CCDC141: variants seen among roughly 807,000 people sequenced by gnomAD.
CCDC141 encodes coiled-coil domain-containing protein 141.
CCDC141 carries 168 observed loss-of-function variants against 181.0 expected under a neutral mutation model. That is an observed-to-expected ratio of 0.93 (90% confidence interval 0.82 to 1.05). The LOEUF is 1.05. Among genes scored for constraint, CCDC141 ranks in the 50% least tolerant of loss-of-function variants. The probability of loss-of-function intolerance (pLI) is 0.00; values close to 1 mark genes in which losing one functional copy is unlikely to be tolerated. For missense variants in CCDC141, 1,902 were observed against 1,788.5 expected (o/e 1.06, Z -1.14); for synonymous variants, 666 against 642.3 (o/e 1.04, Z -0.56).
chr2:178,872,281 T>C lies in CCDC141; in HGVS notation c.1931A>G (p.Asn644Ser). 1.9e-6 allele frequency: 3 copies of C among 1,613,606 alleles called. No homozygotes were observed. The highest frequency in any genetic ancestry group is 2.5e-6 in the Non-Finnish European group (3 of 1,179,798). The stretch of plus-strand genomic sequence containing the variant: ...GGTGTTCTTCATGAGGTACACTTCA[T>C]TTTTCACATCTAATATCTCGTTCTC... ...AKENEILDVK[N>S]EVYLMKNTME... The change falls in exon 13 of 24, where the codon AAT (asparagine) becomes AGT (serine). Residue 644 changes from asparagine (N) to serine (S), a missense_variant. Asn to Ser is a conservative substitution (Grantham distance 46, BLOSUM62 1). Transcript: ENST00000443758.
Position 178,865,963 on chromosome 2 carries a change from A to G in CCDC141, c.2575-47T>C, listed in dbSNP as rs376744809. 16 of 1,352,150 alleles carry G rather than the reference A, an allele frequency of 1.2e-5. No individual in the cohort carries two copies. The African/African-American group carries it at 1.8e-4, about 15-fold the overall frequency. 83.8% of individuals were successfully genotyped at this position (1,352,150 alleles called of 1,614,324 possible). A position where few individuals can be genotyped will look rare whatever the true frequency, so the allele number is the denominator to read the frequency against. ...AACAGAGAGAAAGGACGAAACAGCA[A>G]TAAGACGAGTAGGCTATTTACCTGA... On this transcript the variant is annotated intron_variant, in intron 16 of 23. Transcript: ENST00000443758.
chr2:179,030,323 G>A (rs187501503), intron 2 of CCDC141, among the ~76,000 whole-genome samples: 18 of 151,970 alleles, frequency 1.2e-4, no homozygotes, highest in Non-Finnish European at 1.5e-4. Context: ...TTAATGACCC[G>A]TTAACCAACA....
chr2:178,946,601 T>C (rs116423538), intron 5 of CCDC141, among the ~76,000 whole-genome samples: 2,381 of 152,216 alleles, frequency 0.016, 62 homozygotes, highest in African/African-American at 0.054. Context: ...AAACAGGTGT[T>C]CTCTAATCTC....
downstream of CCDC141, among the ~76,000 whole-genome samples, chr2:178,828,515 T>C (rs1684157850): frequency 6.6e-6 from 1 of 152,158 alleles, no homozygotes; most frequent in African/African-American, 2.4e-5. Flanking sequence ...TAGAAATGAA[T>C]AAAAATGCAT....
intron 22 of CCDC141, among the ~76,000 whole-genome samples, chr2:178,839,607 A>AAAAAAAAT (rs1561624006): frequency 7.1e-6 from 1 of 139,952 alleles, no homozygotes. Flanking sequence ...AAAAAAAAAA[A>AAAAAAAAT]TGTGTTTTCA....
downstream of CCDC141, among the ~76,000 whole-genome samples, chr2:178,828,781 C>T (rs1161771667): frequency 1.3e-5 from 2 of 152,092 alleles, no homozygotes; most frequent in African/African-American, 2.4e-5. Flanking sequence ...GCATAATATG[C>T]GTTGGAGACA....
intron 2 of CCDC141, among the ~76,000 whole-genome samples, chr2:178,983,179 T>A (rs915891845): frequency 2.6e-4 from 39 of 152,290 alleles, no homozygotes; most frequent in African/African-American, 9.1e-4. Flanking sequence ...CCAGCCTAAC[T>A]GGGAGGCACC....
Position 178,984,375 on chromosome 2 carries a change from C to A in CCDC141, c.226-5700G>T, listed in dbSNP as rs948907478. ...GCTGCAAAATCATGCCAAAATGTAA[C>A]GACCATCGAGACTAGGAAGAAACTG... On this transcript the variant is annotated intron_variant, in intron 2 of 23. Coordinates refer to ENST00000443758, the MANE Select transcript of CCDC141 (RefSeq NM_173648.4). Among the ~76,000 whole-genome samples, 48 of 151,082 alleles carry A rather than the reference C, an allele frequency of 3.2e-4. 1 individual carries two copies. Among genetic ancestry groups the A allele is most frequent in the South Asian group, 1.5e-3 (7 of 4,718 alleles).
chr2:178,917,040 A>G (rs1688485869), intron 7 of CCDC141, among the ~76,000 whole-genome samples: 1 of 152,134 alleles, frequency 6.6e-6, no homozygotes, highest in Non-Finnish European at 1.5e-5. Context: ...AGCAGAGAAA[A>G]CAAAAGTAAG....
chr2:178,916,755 G>A (rs1011643026), intron 7 of CCDC141, among the ~76,000 whole-genome samples: 4 of 152,108 alleles, frequency 2.6e-5, no homozygotes, highest in African/African-American at 9.7e-5. Context: ...ACCTGCTATA[G>A]TATGGATAAA....
intron 2 of CCDC141, among the ~76,000 whole-genome samples, chr2:179,018,911 A>G (rs2042620136): frequency 6.6e-6 from 1 of 152,214 alleles, no homozygotes; most frequent in South Asian, 2.1e-4. Context: ...ATATTCAGAA[A>G]AGATAAGTCA....
In CCDC141 at chr2:178,884,947, G is replaced by A. The variant is rs1033552191; in HGVS notation, c.1673C>T (p.Ser558Leu). 1.1e-5 allele frequency: 17 copies of A among 1,550,262 alleles called. No individual in the cohort carries two copies. The highest frequency in any genetic ancestry group is 2.4e-5 in the South Asian group (2 of 84,018). Reference sequence around the variant, plus strand: ...TGCCACGTAAGTTTGCAGGACTTGCGATCTATAGTCAATGCTTTGGCCAAA... The same window carrying A: ...TGCCACGTAAGTTTGCAGGACTTGCAATCTATAGTCAATGCTTTGGCCAAA... ...NLFGQSIDYR[S>L]QVLQTYVAFL... Residue 558 changes from serine to leucine, a missense_variant, in exon 11 of 24, where the codon TCG (serine) becomes TTG (leucine). Transcript: ENST00000443758.
chr2:178,966,529 T>G (rs1192892745), intron 4 of CCDC141, among the ~76,000 whole-genome samples: 1 of 152,156 alleles, frequency 6.6e-6, no homozygotes, highest in African/African-American at 2.4e-5. Flanking sequence ...CAGAGGGGCC[T>G]GACTGTCAGA....
Position 178,886,755 on chromosome 2 carries a change from A to G in CCDC141, c.1524T>C (p.Ala508=). ...LNKYLELDIQ[A]KETSHELEAA... The stretch of plus-strand genomic sequence containing the variant: ...TAATCATTCTCATTTTATTTACCTT[A>G]GCTTGGATATCTAGTTCCAGATATT... The change falls in exon 10 of 24, where the codon GCT becomes GCC. Residue 508 remains alanine, a synonymous_variant. Transcript: ENST00000443758. 2 of 1,433,230 alleles carry G rather than the reference A, an allele frequency of 1.4e-6. No homozygotes were observed. Among genetic ancestry groups the G allele is most frequent in the South Asian group, 1.3e-5 (1 of 74,610 alleles). The allele number at this position is 1,433,230 out of a possible 1,614,324, so 88.8% of individuals were successfully genotyped here. A position where few individuals can be genotyped will look rare whatever the true frequency, so the allele number is the denominator to read the frequency against.
chr2:178,818,865 C>T, the CCDC141 span, among the ~76,000 whole-genome samples: 1 of 152,162 alleles, frequency 6.6e-6, no homozygotes, highest in African/African-American at 2.4e-5. Flanking sequence ...CTGTCTTCCA[C>T]AATTGTTGAA....
chr2:178,923,069 T>C (rs1045632732), intron 6 of CCDC141, among the ~76,000 whole-genome samples: 2 of 152,150 alleles, frequency 1.3e-5, no homozygotes, highest in African/African-American at 4.8e-5. Context: ...CCCAGCCATT[T>C]TTCATAGGGG....
At position 178,921,373 on chromosome 2, in the gene CCDC141, T is replaced by C. The variant is rs182496874; in HGVS notation, c.898-2466A>G. On this transcript the variant is annotated intron_variant, in intron 6 of 23. Transcript: ENST00000443758. ...TCACTAAGTGTTAGTCCCACTTTTC[T>C]GAGCATCAGTTTTGGTTCATTAGCT... 2.6e-5 allele frequency among the ~76,000 whole-genome samples: 4 copies of C among 152,394 alleles called. No homozygotes were observed. In the East Asian group the frequency reaches 7.7e-4, roughly 29 times the overall value.
the CCDC141 span, among the ~76,000 whole-genome samples, chr2:178,820,671 A>G: frequency 6.6e-6 from 1 of 152,182 alleles, no homozygotes; most frequent in Non-Finnish European, 1.5e-5. Flanking sequence ...TTTTTTTAAA[A>G]AGTTATTAAT....
chr2:178,888,356 A>G (rs1214808533), intron 9 of CCDC141, among the ~76,000 whole-genome samples, 171 bp downstream of exon 9: 1 of 152,180 alleles, frequency 6.6e-6, no homozygotes, highest in African/African-American at 2.4e-5. Flanking sequence ...GGGATGGTTG[A>G]TGAACAACAG....
Sources: allele counts gnomAD v4.1 joint callset (sites outside exome capture counted in the v4.1 genomes callset), GRCh38; gene constraint gnomAD v4.1.1; transcripts MANE v1.5; gene names NCBI Gene and HGNC (gene_info 2026-07-23, HGNC 2026-07-21).